CDH13: variants seen among roughly 807,000 people sequenced by gnomAD.
The protein encoded by CDH13 is cadherin 13, also known as cadherin-13.
A neutral mutation model predicts 63.8 loss-of-function variants in CDH13; 24 were observed. The ratio of observed to expected loss-of-function variants is 0.38; its 90% CI spans 0.27 to 0.53. The LOEUF is 0.53. Ranked by LOEUF, CDH13 falls within the 20% of genes least tolerant of loss-of-function variation. The pLI is 0.85. For missense variants in CDH13, 1,049 were observed against 903.1 expected (o/e 1.16, Z -2.07); for synonymous variants, 503 against 355.3 (o/e 1.42, Z -4.67).
At chr16:82,857,704 CAT>C (rs1358170313) in intron 1 of CDH13, among the ~76,000 whole-genome samples, 1 of 152,154 alleles carries the variant, frequency 6.6e-6, no homozygotes, top group Admixed American at 6.5e-5. Context: ...ATTTTAATAA[CAT>C]ATATTTAATT....
intron 1 of CDH13, among the ~76,000 whole-genome samples, chr16:82,841,982 G>C (rs1194866430): frequency 6.6e-6 from 1 of 150,934 alleles, no homozygotes; most frequent in African/African-American, 2.4e-5. Context: ...TTCTTGGGGA[G>C]CTGGTCATTA....
chr16:82,977,238 A>C (rs1411751267), intron 2 of CDH13, among the ~76,000 whole-genome samples: 1 of 152,168 alleles, frequency 6.6e-6, no homozygotes, highest in Non-Finnish European at 1.5e-5. Context: ...TGTGGGCTGC[A>C]GAGCTGGACA....
At chr16:83,710,587 G>A (rs1439212259) in intron 10 of CDH13, 1 of 151,896 alleles carries the variant, frequency 6.6e-6, no homozygotes, top group South Asian at 2.1e-4. Context: ...AGCTGAAGAA[G>A]GAGGACTCTG....
intron 5 of CDH13, among the ~76,000 whole-genome samples, chr16:83,341,989 C>CCACACA (rs756844839): frequency 0.068 from 9,403 of 137,920 alleles, 366 homozygotes; most frequent in Admixed American, 0.09. Flanking sequence ...GTGTCCCCTG[C>CCACACA]CACACACACA....
intron 6 of CDH13, among the ~76,000 whole-genome samples, chr16:83,448,052 C>G (rs17288787): frequency 0.21 from 32,212 of 152,074 alleles, 3,643 homozygotes; most frequent in Non-Finnish European, 0.25. Flanking sequence ...AGAGGAAAAG[C>G]ACAGTGTTTA....
intron 3 of CDH13, among the ~76,000 whole-genome samples, chr16:83,068,580 C>G (rs569359088): frequency 6.6e-6 from 1 of 152,270 alleles, no homozygotes; most frequent in Admixed American, 6.5e-5. Context: ...TCTGAACCAG[C>G]CACCTGACCA....
At chr16:83,107,431 G>C (rs1229557817) in intron 3 of CDH13, among the ~76,000 whole-genome samples, 1 of 152,098 alleles carries the variant, frequency 6.6e-6, no homozygotes, top group African/African-American at 2.4e-5. Flanking sequence ...AAATTTTTGA[G>C]AAAAAAATCC....
At chr16:82,941,211 G>A (rs1414645163) in intron 2 of CDH13, among the ~76,000 whole-genome samples, 2 of 152,076 alleles carry the variant, frequency 1.3e-5, no homozygotes, top group East Asian at 1.9e-4. Flanking sequence ...TGAATATTTT[G>A]GGGCTCCTAT....
chr16:83,339,221 T>G (rs1313908334), intron 5 of CDH13, among the ~76,000 whole-genome samples: 1 of 152,132 alleles, frequency 6.6e-6, no homozygotes, highest in Admixed American at 6.5e-5. Flanking sequence ...AGGAAGAGAA[T>G]GACTCATGAG....
At chr16:83,305,530 G>A (rs757686775) in intron 5 of CDH13, among the ~76,000 whole-genome samples, 40 of 152,014 alleles carry the variant, frequency 2.6e-4, no homozygotes, top group Non-Finnish European at 4.9e-4. Flanking sequence ...ACAGCGTTGC[G>A]GTATTATCAT....
intron 2 of CDH13, among the ~76,000 whole-genome samples, chr16:82,982,266 AAT>A (rs1395495585): frequency 1.3e-5 from 2 of 152,116 alleles, no homozygotes; most frequent in Admixed American, 6.5e-5. Context: ...TTATCTTATA[AAT>A]AATAAGATGT....
At chr16:83,741,685 A>T (rs1163109341) in intron 10 of CDH13, among the ~76,000 whole-genome samples, 2 of 152,286 alleles carry the variant, frequency 1.3e-5, no homozygotes, top group East Asian at 3.9e-4. Flanking sequence ...TAATTGCCCA[A>T]TATTACTTTA....
chr16:83,113,742 G>A lies in CDH13; in HGVS notation c.367-11643G>A, dbSNP rs541067363. Among the ~76,000 whole-genome samples, 19 of 152,270 alleles carry A rather than the reference G, an allele frequency of 1.2e-4. No homozygotes were observed. In the South Asian group the frequency reaches 3.9e-3, roughly 32 times the overall value. On this transcript the variant is annotated intron_variant, in intron 3 of 13. Transcript: ENST00000567109. ...GGGGGGTTAACCAGGCACAAGAGGGGAGGGACGGGAAGGGAAGTCACAAGG... is the reference window on the plus strand; with the variant it reads ...GGGGGGTTAACCAGGCACAAGAGGGAAGGGACGGGAAGGGAAGTCACAAGG...
chr16:83,038,766 TG>T (rs1279079627), intron 3 of CDH13, among the ~76,000 whole-genome samples: 1 of 152,190 alleles, frequency 6.6e-6, no homozygotes, highest in East Asian at 1.9e-4. Flanking sequence ...GCCATATAAA[TG>T]GGATTCAACA....
chr16:82,929,573 A>G (rs969806766), intron 2 of CDH13, among the ~76,000 whole-genome samples: 7 of 143,602 alleles, frequency 4.9e-5, no homozygotes, highest in African/African-American at 1.8e-4. Flanking sequence ...AATGGCATGA[A>G]CTCGGGAGGC....
chr16:83,401,032 G>A (rs186643090), intron 6 of CDH13, among the ~76,000 whole-genome samples: 5 of 152,176 alleles, frequency 3.3e-5, no homozygotes, highest in Non-Finnish European at 5.9e-5. Flanking sequence ...GTGAAACCCC[G>A]TCTGTGCTTA....
chr16:83,710,896 C>T (rs991597817), intron 10 of CDH13, among the ~76,000 whole-genome samples: 2 of 152,138 alleles, frequency 1.3e-5, no homozygotes, highest in Non-Finnish European at 1.5e-5. Flanking sequence ...TGGACAGACT[C>T]GATCATCGTT....
At chr16:82,920,577 T>C (rs1338957233) in intron 2 of CDH13, among the ~76,000 whole-genome samples, 2 of 152,178 alleles carry the variant, frequency 1.3e-5, no homozygotes, top group Non-Finnish European at 2.9e-5. Context: ...CAGTTTCCTA[T>C]GGAAAAGAAA....
intron 11 of CDH13, among the ~76,000 whole-genome samples, chr16:83,766,606 A>G (rs1914405907): frequency 6.6e-6 from 1 of 152,174 alleles, no homozygotes; most frequent in South Asian, 2.1e-4. Flanking sequence ...CTCTGGGAAG[A>G]TTTGGGACAA....
Sources: allele counts gnomAD v4.1 joint callset (sites outside exome capture counted in the v4.1 genomes callset), GRCh38; gene constraint gnomAD v4.1.1; transcripts MANE v1.5; gene names NCBI Gene and HGNC (gene_info 2026-07-23, HGNC 2026-07-21).